Variants in LGALS8 observed in about 807,000 individuals in gnomAD.
The protein encoded by LGALS8 is galectin 8.
LGALS8 carries 30 observed loss-of-function variants against 35.9 expected under a neutral mutation model. The ratio of observed to expected loss-of-function variants is 0.83; its 90% CI spans 0.62 to 1.13. The LOEUF (loss-of-function observed/expected upper bound fraction) is 1.13, where lower values mean the gene tolerates loss of function less well. Among genes scored for constraint, LGALS8 ranks in the 50% most tolerant of loss-of-function variants. The pLI, the probability that LGALS8 is intolerant of heterozygous loss-of-function variation, is 0.00. For missense variants in LGALS8, 366 were observed against 388.7 expected (o/e 0.94, Z 0.49); for synonymous variants, 138 against 136.1 (o/e 1.01, Z -0.10).
At chr1:236,539,898 C>T (rs2244683) in intron 4 of LGALS8, among the ~76,000 whole-genome samples, 92,759 of 151,784 alleles carry the variant, frequency 0.61, 29,234 homozygotes, top group Non-Finnish European at 0.69. Context: ...TTTAAGCTCC[C>T]TGAGTCAGAG....
chr1:236,537,934 T>TTAAA (rs146620270), intron 3 of LGALS8, among the ~76,000 whole-genome samples: 15 of 128,888 alleles, frequency 1.2e-4, no homozygotes, highest in South Asian at 2.4e-4. Flanking sequence ...CCCCCATCTG[T>TTAAA]AAAAAAAAAA....
At chr1:236,542,722 C>A in intron 6 of LGALS8, 39 bp from the exon 7 acceptor site, 1 of 1,602,620 alleles carries the variant, frequency 6.2e-7, no homozygotes, top group Non-Finnish European at 8.5e-7. Flanking sequence ...ATAATTCTTC[C>A]CCTTCTAACA....
At position 236,551,760 on chromosome 1, in the gene LGALS8, C is replaced by T. The variant is rs755410907; in HGVS notation, c.*3599C>T. 32 of 436,038 alleles carry T rather than the reference C, an allele frequency of 7.3e-5. No homozygotes were observed. Among genetic ancestry groups the T allele is most frequent in the African/African-American group, 2.2e-4 (11 of 49,692 alleles). 27.0% of individuals were successfully genotyped at this position (436,038 alleles called of 1,614,324 possible). ...ACAAAAGAAAAGATCGTGAAGATTACACTGTAAACGGACTCTCAAATGATC... is the reference window on the plus strand; with the variant it reads ...ACAAAAGAAAAGATCGTGAAGATTATACTGTAAACGGACTCTCAAATGATC... On this transcript the variant is annotated 3_prime_UTR_variant, in exon 10 of 10. Coordinates refer to ENST00000366584, the MANE Select transcript of LGALS8 (RefSeq NM_201544.4).
At chr1:236,535,007 G>A (rs982123095) in intron 2 of LGALS8, among the ~76,000 whole-genome samples, 1 of 141,890 alleles carries the variant, frequency 7.0e-6, no homozygotes, top group African/African-American at 2.7e-5. Context: ...GTTGCAGTGA[G>A]CTGAGATCAC....
upstream of LGALS8, chr1:236,518,519 T>C (rs1183693698): frequency 1.3e-5 from 2 of 152,208 alleles, no homozygotes; most frequent in African/African-American, 4.8e-5. Flanking sequence ...TGTGGTTTTG[T>C]AAAGAATGCA....
chr1:236,523,533 G>A (rs115012091), upstream of LGALS8: 2,048 of 156,926 alleles, frequency 0.013, 21 homozygotes, highest in Non-Finnish European at 0.019. Context: ...CTTGGTCCAG[G>A]CAGGCGGGGC....
intron 4 of LGALS8, 180 bp from the exon 5 acceptor site, chr1:236,540,384 G>C: frequency 1.9e-6 from 1 of 538,098 alleles, no homozygotes; most frequent in East Asian, 3.3e-5. Flanking sequence ...CTCAAAAGAA[G>C]TTTGGAAGCA....
At chr1:236,540,783 C>A in intron 5 of LGALS8, 100 bp downstream of exon 5, 2 of 1,211,120 alleles carry the variant, frequency 1.7e-6, no homozygotes, top group Non-Finnish European at 2.3e-6. Flanking sequence ...ATAAAAAGGA[C>A]GTATCTCCCT....
At chr1:236,538,418 A>G (rs34425322) in intron 3 of LGALS8, among the ~76,000 whole-genome samples, 93,025 of 152,138 alleles carry the variant, frequency 0.61, 29,347 homozygotes, top group Non-Finnish European at 0.69. Context: ...AGGGTGAGGT[A>G]AGGTCCCCTT....
chr1:236,528,546 A>ATTTTTTTTTTTTTTT lies in LGALS8; in HGVS notation c.45+2440_45+2454dup, dbSNP rs61261486. Among the ~76,000 whole-genome samples the ATTTTTTTTTTTTTTT allele has an allele frequency of 1.3e-4, 14 of 104,232 alleles. 1 individual carries two copies. Among genetic ancestry groups the ATTTTTTTTTTTTTTT allele is most frequent in the Non-Finnish European group, 2.3e-4 (13 of 55,320 alleles). The allele number at this position is 104,232 out of a possible 152,430, so 68.4% of individuals were successfully genotyped here. On this transcript the variant is annotated intron_variant, in intron 2 of 9. Coordinates refer to ENST00000366584, the MANE Select transcript of LGALS8 (RefSeq NM_201544.4). ...AATTTTTATTTCATTAATGTTTCCAATTTTTTTTTTTTTTTTTTTTTTTAA... is the reference window on the plus strand; with the variant it reads ...AATTTTTATTTCATTAATGTTTCCAATTTTTTTTTTTTTTTTTTTTTTTTTTTTTTTTTTTTTTAA...
At chr1:236,524,785 C>T (rs944725504) in intron 1 of LGALS8, 3 of 202,172 alleles carry the variant, frequency 1.5e-5, no homozygotes, top group African/African-American at 6.9e-5. Context: ...GTTCTTACTT[C>T]CTGAATTGAG....
chr1:236,528,546 A>AT (rs61261486), intron 2 of LGALS8, among the ~76,000 whole-genome samples: 6,026 of 104,140 alleles, frequency 0.058, 272 homozygotes, highest in African/African-American at 0.096. Flanking sequence ...AATGTTTCCA[A>AT]TTTTTTTTTT....
intron 1 of LGALS8, chr1:236,524,370 A>C (rs1341037968): frequency 4.4e-6 from 2 of 456,648 alleles, no homozygotes; most frequent in Admixed American, 2.3e-5. Flanking sequence ...TCCTCGCTGC[A>C]AACCCACCCC....
upstream of LGALS8, among the ~76,000 whole-genome samples, chr1:236,522,408 A>G (rs1210610019): frequency 6.6e-6 from 1 of 152,166 alleles, no homozygotes; most frequent in Admixed American, 6.5e-5. Flanking sequence ...GTTTGAGACC[A>G]GCCTGGGCAA....
At chr1:236,520,423 T>C (rs1334568637), upstream of LGALS8, among the ~76,000 whole-genome samples, 2 of 151,740 alleles carry the variant, frequency 1.3e-5, no homozygotes, top group Non-Finnish European at 2.9e-5. Context: ...ATCTGCCCTT[T>C]GCTCCACTCC....
chr1:236,535,930 T>G (rs1661464131), intron 2 of LGALS8, among the ~76,000 whole-genome samples: 3 of 152,210 alleles, frequency 2.0e-5, no homozygotes, highest in African/African-American at 7.2e-5. Flanking sequence ...GTTCATTCAT[T>G]CACCATGCAG....
At chr1:236,523,841 A>G (rs1039412661), upstream of LGALS8, 4 of 348,126 alleles carry the variant, frequency 1.1e-5, no homozygotes, top group African/African-American at 8.6e-5. Flanking sequence ...GTCCCTGTCC[A>G]AAACCCAGCA....
chr1:236,523,992 G>A lies in LGALS8; in HGVS notation c.-173G>A, dbSNP rs986510981. On this transcript the variant is annotated 5_prime_UTR_variant, in exon 1 of 10. Transcript: ENST00000366584. ...TAGCCGCCCACGGACGCCAGAGCCGGGAACCCTGACGGCACTTAGCTGCTG... is the reference window on the plus strand; with the variant it reads ...TAGCCGCCCACGGACGCCAGAGCCGAGAACCCTGACGGCACTTAGCTGCTG... 2.5e-6 allele frequency: 1 copy of A among 393,970 alleles called. No homozygotes were observed. Among genetic ancestry groups the A allele is most frequent in the Admixed American group, 2.9e-5 (1 of 34,596 alleles). The allele number at this position is 393,970 out of a possible 1,614,324, so 24.4% of individuals were successfully genotyped here.
upstream of LGALS8, chr1:236,523,323 G>A (rs1450044453): frequency 2.0e-5 from 3 of 152,244 alleles, no homozygotes; most frequent in African/African-American, 7.2e-5. Context: ...ACTAACGGAT[G>A]GGGAGCTTGG....
Sources: allele counts gnomAD v4.1 joint callset (sites outside exome capture counted in the v4.1 genomes callset), GRCh38; gene constraint gnomAD v4.1.1; transcripts MANE v1.5; gene names NCBI Gene and HGNC (gene_info 2026-07-23, HGNC 2026-07-21).